Variants in SLC2A7 observed in about 807,000 individuals in gnomAD.
The protein encoded by SLC2A7 is solute carrier family 2 member 7.
A neutral mutation model predicts 50.5 loss-of-function variants in SLC2A7; 50 were observed. The ratio of observed to expected loss-of-function variants is 0.99; its 90% CI spans 0.79 to 1.25. The LOEUF is 1.25. SLC2A7 is among the 50% of genes most tolerant of loss of function. The pLI is 0.00. For missense variants in SLC2A7, 683 were observed against 679.1 expected (o/e 1.01, Z -0.06); for synonymous variants, 308 against 300.4 (o/e 1.03, Z -0.26).
intron 1 of SLC2A7, among the ~76,000 whole-genome samples, chr1:9,025,537 G>T (rs1370257160): frequency 6.6e-6 from 1 of 152,186 alleles, no homozygotes; most frequent in Non-Finnish European, 1.5e-5. Context: ...AGTAGGGTGG[G>T]CAGGGCAGGG....
Position 9,013,522 on chromosome 1 carries a change from C to G in SLC2A7, c.1014+3G>C. The G allele has an allele frequency of 6.2e-7, 1 of 1,612,662 alleles. No individual in the cohort carries two copies. Among genetic ancestry groups the G allele is most frequent in the Non-Finnish European group, 8.5e-7 (1 of 1,179,520 alleles). The stretch of plus-strand genomic sequence containing the variant: ...GCAGGAAGGATGCCTCCTGCTCACT[C>G]ACCGAGGTGATGGTCATCACTATGT... On this transcript the variant is annotated splice_donor_region_variant and intron_variant, in intron 8 of 11. Coordinates refer to ENST00000400906, the MANE Select transcript of SLC2A7 (RefSeq NM_207420.3).
intron 3 of SLC2A7, among the ~76,000 whole-genome samples, chr1:9,021,527 G>A (rs1640912766): frequency 6.6e-6 from 1 of 152,186 alleles, no homozygotes; most frequent in Admixed American, 6.5e-5. Flanking sequence ...CAAGAGCAGG[G>A]AGTGGGTGGT....
intron 5 of SLC2A7, among the ~76,000 whole-genome samples, chr1:9,015,463 T>A (rs1345694604): frequency 6.6e-6 from 1 of 152,204 alleles, no homozygotes; most frequent in Non-Finnish European, 1.5e-5. Context: ...AGAACACCGT[T>A]TCTCTAAAGA....
chr1:9,007,359 G>A lies in SLC2A7; in HGVS notation c.1143C>T (p.Leu381=), dbSNP rs746228493. 3.1e-6 allele frequency: 5 copies of A among 1,614,066 alleles called. No individual in the cohort carries two copies. Among genetic ancestry groups the A allele is most frequent in the Admixed American group, 3.3e-5 (2 of 60,010 alleles). The change falls in exon 10 of 12, where the codon CTC becomes CTT. Residue 381 remains leucine (L), a synonymous_variant. Transcript: ENST00000400906. ...TGTAGGCAAAGACACAGATGATGCC[G>A]AGGTAGGACAGCTCGGGGACCCTGT... The part of the protein sequence containing the change: ...FQNRVPELSY[L]GIICVFAYIA...
rs184359854 is a variant in SLC2A7 at position 9,008,299 on chromosome 1, G to C, written c.1117-914C>G. On this transcript the variant is annotated intron_variant, in intron 9 of 11. Coordinates refer to ENST00000400906, the MANE Select transcript of SLC2A7 (RefSeq NM_207420.3). This position sits in a 1 kb window ranked among gnomAD's most constrained non-coding sequence, Gnocchi z 5.9. ...GCACTGGGAGCTTCCAAGCAGAGAA[G>C]CAACAAGATCTGATTCATTTTCAAC... Among the ~76,000 whole-genome samples, 2 of 152,266 alleles carry C rather than the reference G, an allele frequency of 1.3e-5. No homozygotes were observed. Among genetic ancestry groups the C allele is most frequent in the African/African-American group, 4.8e-5 (2 of 41,556 alleles).
intron 5 of SLC2A7, among the ~76,000 whole-genome samples, chr1:9,015,564 C>T (rs1056316046): frequency 6.6e-5 from 10 of 152,064 alleles, no homozygotes; most frequent in African/African-American, 2.4e-4. Flanking sequence ...ATCTCTGCCT[C>T]ATTAGGGCCA....
chr1:9,001,265 G>A (rs190253610), downstream of SLC2A7, among the ~76,000 whole-genome samples: 39 of 152,074 alleles, frequency 2.6e-4, no homozygotes, highest in South Asian at 1.7e-3. Flanking sequence ...ATGAAAGCAC[G>A]CCAGGGAGAA....
intron 8 of SLC2A7, 96 bp downstream of exon 8, chr1:9,013,429 G>A: frequency 2.0e-6 from 2 of 995,410 alleles, no homozygotes; most frequent in South Asian, 1.6e-5. Context: ...CAGGACCAGG[G>A]CCACCAGCAC....
intron 8 of SLC2A7, among the ~76,000 whole-genome samples, chr1:9,011,560 C>A (rs12033393): frequency 1.3e-5 from 2 of 151,894 alleles, no homozygotes; most frequent in African/African-American, 4.8e-5. Flanking sequence ...GGGCTCCACT[C>A]GACATTGAGG....
At chr1:9,024,770 C>T (rs1640969198) in intron 2 of SLC2A7, among the ~76,000 whole-genome samples, 1 of 152,128 alleles carries the variant, frequency 6.6e-6, no homozygotes, top group Non-Finnish European at 1.5e-5. Context: ...GAAAGGACGA[C>T]ACTCCAGGGG....
chr1:9,011,746 C>CTT (rs34758810), intron 8 of SLC2A7, among the ~76,000 whole-genome samples: 168 of 93,106 alleles, frequency 1.8e-3, no homozygotes, highest in African/African-American at 2.2e-3. Context: ...TCTTCTTCTT[C>CTT]TTTTTTTTTT....
chr1:9,001,861 T>C (rs962956384), downstream of SLC2A7, among the ~76,000 whole-genome samples: 1 of 152,128 alleles, frequency 6.6e-6, no homozygotes, highest in Non-Finnish European at 1.5e-5. Flanking sequence ...ACTGTGTCTA[T>C]GTAGAAAGAA....
chr1:9,016,970 G>A (rs1257076219), intron 5 of SLC2A7, among the ~76,000 whole-genome samples: 1 of 152,056 alleles, frequency 6.6e-6, no homozygotes, highest in Non-Finnish European at 1.5e-5. Flanking sequence ...TCCCCCCGAG[G>A]CTAACCCTAG....
chr1:8,997,598 C>T, the SLC2A7 span, among the ~76,000 whole-genome samples: 14,354 of 152,024 alleles, frequency 0.094, 735 homozygotes, highest in Middle Eastern at 0.15. Flanking sequence ...CGGGGTTTCA[C>T]CATGTTGACC....
intron 3 of SLC2A7, 68 bp downstream of exon 3, chr1:9,022,850 C>T: frequency 1.9e-6 from 3 of 1,576,226 alleles, no homozygotes; most frequent in Non-Finnish European, 2.6e-6. Flanking sequence ...ACCAGGTGCA[C>T]AAATGCCCAG....
chr1:8,997,409 A>T, the SLC2A7 span, among the ~76,000 whole-genome samples: 11 of 151,912 alleles, frequency 7.2e-5, no homozygotes, highest in African/African-American at 2.2e-4. Flanking sequence ...TTATTTATTT[A>T]TTTTTTTTGA....
At chr1:9,020,419 C>G (rs554326802) in intron 3 of SLC2A7, among the ~76,000 whole-genome samples, 12 of 152,266 alleles carry the variant, frequency 7.9e-5, no homozygotes, top group Non-Finnish European at 1.5e-4. Flanking sequence ...TGAAAAACCA[C>G]AAGCCTGAGA....
At chr1:8,994,222 A>G in the SLC2A7 span, among the ~76,000 whole-genome samples, 19 of 152,330 alleles carry the variant, frequency 1.2e-4, no homozygotes, top group Admixed American at 7.8e-4. Context: ...CCTCATCCTG[A>G]GCCCAGGCTC....
At chr1:9,017,709 C>G (rs975766116) in intron 5 of SLC2A7, among the ~76,000 whole-genome samples, 27 of 152,168 alleles carry the variant, frequency 1.8e-4, no homozygotes, top group African/African-American at 6.5e-4. Flanking sequence ...GATTTTTCAG[C>G]AGACCTTCAG....
Sources: gnomAD v4.1 joint callset for allele counts (sites outside exome capture counted in the v4.1 genomes callset) on GRCh38, gnomAD v4.1.1 for gene constraint, Gnocchi (gnomAD v3.1) non-coding constraint, MANE v1.5 for transcripts, NCBI Gene and HGNC (gene_info 2026-07-23, HGNC 2026-07-21) for gene names.